Variants in CIAO2A observed in about 807,000 individuals in gnomAD.
CIAO2A encodes the protein cytosolic iron-sulfur assembly component 2A.
A neutral mutation model predicts 22.4 loss-of-function variants in CIAO2A; 17 were observed. The ratio of observed to expected loss-of-function variants is 0.76; its 90% CI spans 0.52 to 1.14. The LOEUF is 1.14. Ranked by LOEUF, CIAO2A falls within the 50% of genes most tolerant of loss-of-function variation. The pLI, the probability that CIAO2A is intolerant of heterozygous loss-of-function variation, is 0.00. For missense variants in CIAO2A, 192 were observed against 191.4 expected, an observed-to-expected ratio of 1.00 and a Z score of -0.02; for synonymous variants, 74 against 72.3, an observed-to-expected ratio of 1.02 and a Z score of -0.12.
rs77683086 is a variant in CIAO2A, at chr15:64,090,021, G to C, written c.125-1170C>G. Among the ~76,000 whole-genome samples, 1,005 of 152,288 alleles carry C rather than the reference G, an allele frequency of 6.6e-3. 10 individuals carry two copies. The highest frequency in any genetic ancestry group is 0.017 in the African/African-American group (693 of 41,554). On this transcript the variant is annotated intron_variant, in intron 1 of 4. Coordinates refer to ENST00000300030, the MANE Select transcript of CIAO2A (RefSeq NM_032231.7). ...ACAAAGAATAAGTAGAACCTTGGCT[G>C]AACATTGGAATTACCAAGAATGTTT...
chr15:64,080,596 C>T (rs558776950), intron 3 of CIAO2A, among the ~76,000 whole-genome samples: 51 of 152,218 alleles, frequency 3.4e-4, no homozygotes, highest in African/African-American at 1.0e-3. Flanking sequence ...GCAGGAGAAT[C>T]GCTTGAACCT....
At position 64,075,493 on chromosome 15, in the gene CIAO2A, GTCT is replaced by G. The variant is rs1288018920; in HGVS notation, c.381_383del (p.Glu127del). ...AATTATGTTTCAACATTCACTTACT[GTCT>G]TCTTCTGTTGAGTGGGTTCCTTCAG... is the stretch of plus-strand genomic sequence containing the variant. On this transcript the variant is annotated inframe_deletion and splice_region_variant, in exon 4 of 5. Transcript: ENST00000300030. 6.4e-7 allele frequency: 1 copy of G among 1,571,536 alleles called. No individual in the cohort carries two copies. The highest frequency in any genetic ancestry group is 1.8e-5 in the Admixed American group (1 of 55,118).
At chr15:64,087,141 G>C (rs2080804035) in intron 2 of CIAO2A, among the ~76,000 whole-genome samples, 1 of 145,138 alleles carries the variant, frequency 6.9e-6, no homozygotes, top group African/African-American at 2.6e-5. Context: ...GCCCAGGCTG[G>C]AGTGCAGTGG....
chr15:64,093,835 G>A lies in CIAO2A; in HGVS notation c.-67C>T. On this transcript the variant is annotated 5_prime_UTR_variant, in exon 1 of 5. Transcript: ENST00000300030. ...ACCGTCTCTCAGCAGCCTCGGGATT[G>A]ATCAACTTCCTGGTCTTCAAATGGG... 1 of 1,576,194 alleles carries A rather than the reference G, an allele frequency of 6.3e-7. No individual in the cohort carries two copies. The highest frequency in any genetic ancestry group is 1.1e-5 in the South Asian group (1 of 88,468).
At chr15:64,075,048 G>A (rs1487274458) in intron 4 of CIAO2A, 2 of 152,398 alleles carry the variant, frequency 1.3e-5, no homozygotes, top group African/African-American at 4.8e-5. Context: ...CTCTCTGTAG[G>A]CCAGAGGTCC....
intron 1 of CIAO2A, among the ~76,000 whole-genome samples, chr15:64,092,574 AC>A (rs1301082210): frequency 6.6e-6 from 1 of 152,236 alleles, no homozygotes; most frequent in East Asian, 1.9e-4. Flanking sequence ...CCAGTGCCCT[AC>A]CATCCCTAGA....
At chr15:64,076,201 C>T (rs928036943) in intron 3 of CIAO2A, among the ~76,000 whole-genome samples, 2 of 152,070 alleles carry the variant, frequency 1.3e-5, no homozygotes, top group Admixed American at 6.6e-5. Flanking sequence ...CTTCCCAACT[C>T]GGTATCTAAA....
Position 64,075,482 on chromosome 15 carries a change from A to G in CIAO2A, c.385+10T>C, listed in dbSNP as rs963761943. The G allele has an allele frequency of 1.9e-6, 3 of 1,549,598 alleles. No homozygotes were observed. Among genetic ancestry groups the G allele is most frequent in the Non-Finnish European group, 2.6e-6 (3 of 1,138,290 alleles). On this transcript the variant is annotated intron_variant, in intron 4 of 4. Coordinates refer to ENST00000300030, the MANE Select transcript of CIAO2A (RefSeq NM_032231.7). Reference sequence around the variant, plus strand: ...AGTTGTTTTTCAATTATGTTTCAACATTCACTTACTGTCTTCTTCTGTTGA... The same window carrying G: ...AGTTGTTTTTCAATTATGTTTCAACGTTCACTTACTGTCTTCTTCTGTTGA...
At position 64,081,160 on chromosome 15, in the gene CIAO2A, G is replaced by A. The variant is rs1245938979; in HGVS notation, c.290-9C>T. 12 of 1,610,634 alleles carry A rather than the reference G, an allele frequency of 7.5e-6. No individual in the cohort carries two copies. The highest frequency in any genetic ancestry group is 8.5e-6 in the Non-Finnish European group (10 of 1,178,466). Reference sequence around the variant, plus strand: ...TACTCTTAAGCACAGCCCTGTGGAGGGAAAATCACACCTCCAATTATCTCT... The same window carrying A: ...TACTCTTAAGCACAGCCCTGTGGAGAGAAAATCACACCTCCAATTATCTCT... On this transcript the variant is annotated splice_polypyrimidine_tract_variant and intron_variant, in intron 2 of 4. Coordinates refer to ENST00000300030, the MANE Select transcript of CIAO2A (RefSeq NM_032231.7).
intron 2 of CIAO2A, among the ~76,000 whole-genome samples, chr15:64,084,006 T>C (rs1329683400): frequency 6.6e-6 from 1 of 152,016 alleles, no homozygotes; most frequent in Non-Finnish European, 1.5e-5. Flanking sequence ...TTAGCTGAAA[T>C]GCATAACGAA....
chr15:64,088,015 T>C (rs1348861154), intron 2 of CIAO2A, among the ~76,000 whole-genome samples: 1 of 152,248 alleles, frequency 6.6e-6, no homozygotes, highest in Non-Finnish European at 1.5e-5. Context: ...TTCATTCTTT[T>C]TTATAGCTGC....
chr15:64,091,989 G>T (rs2080842925), intron 1 of CIAO2A, among the ~76,000 whole-genome samples: 1 of 150,724 alleles, frequency 6.6e-6, no homozygotes, highest in Non-Finnish European at 1.5e-5. Context: ...GAGCCCTGGA[G>T]GTGGATGGAG....
Position 64,072,989 on chromosome 15 carries a change from G to A in CIAO2A, c.425C>T (p.Ala142Val). Residue 142 changes from alanine to valine, a missense_variant, in exon 5 of 5, where the codon GCA (alanine) becomes GTA (valine). By Grantham distance (64) the Ala-to-Val change is moderately conservative. Transcript: ENST00000300030. ...TTCCCGTAAGTTGGGGTTTTCCATT[G>A]CAGCTGCCACTCGCTCTTTGTCATT... ...QINDKERVAA[A>V]MENPNLREIV... 6.2e-7 allele frequency: 1 copy of A among 1,613,874 alleles called. No homozygotes were observed. Among genetic ancestry groups the A allele is most frequent in the Non-Finnish European group, 8.5e-7 (1 of 1,179,838 alleles).
chr15:64,092,947 C>T (rs2080853405), intron 1 of CIAO2A, among the ~76,000 whole-genome samples: 1 of 152,198 alleles, frequency 6.6e-6, no homozygotes, highest in Non-Finnish European at 1.5e-5. Context: ...TGCTTTTTGG[C>T]TCTGTTCCTT....
At chr15:64,079,319 T>TC (rs1050300298) in intron 3 of CIAO2A, among the ~76,000 whole-genome samples, 9 of 151,748 alleles carry the variant, frequency 5.9e-5, no homozygotes, top group African/African-American at 2.2e-4. Flanking sequence ...GGCAAGATGA[T>TC]CACTTGAGCC....
chr15:64,073,531 C>G (rs1484284872), intron 4 of CIAO2A, among the ~76,000 whole-genome samples: 1 of 152,098 alleles, frequency 6.6e-6, no homozygotes, highest in Admixed American at 6.5e-5. Flanking sequence ...CCTAAAATTA[C>G]TCACCAGTTT....
intron 1 of CIAO2A, among the ~76,000 whole-genome samples, chr15:64,090,798 A>G (rs2080834570): frequency 6.6e-6 from 1 of 152,230 alleles, no homozygotes; most frequent in South Asian, 2.1e-4. Flanking sequence ...CAATGACTTT[A>G]TAAGGAAGCT....
At chr15:64,074,728 T>C (rs959234951) in intron 4 of CIAO2A, 3 of 152,172 alleles carry the variant, frequency 2.0e-5, no homozygotes, top group African/African-American at 7.2e-5. Context: ...GGAGATTTTG[T>C]GTGTCTCTCT....
rs780659236 is a variant in CIAO2A, at chr15:64,093,691, A to G, written c.78T>C (p.Ala26=). Residue 26 remains alanine (A), a synonymous_variant, in exon 1 of 5, where the codon GCT becomes GCC. Transcript: ENST00000300030. Reference sequence around the variant, plus strand: ...CTTCCATGATCCGGGGCTGCCGGGCAGCTCCCGGCTCAGAGAGGCCGGAGA... The same window carrying G: ...CTTCCATGATCCGGGGCTGCCGGGCGGCTCCCGGCTCAGAGAGGCCGGAGA... ...LWLSGLSEPG[A]ARQPRIMEEK... 6.2e-7 allele frequency: 1 copy of G among 1,614,068 alleles called. No homozygotes were observed. The highest frequency in any genetic ancestry group is 1.7e-5 in the Admixed American group (1 of 60,010).
Sources: allele counts gnomAD v4.1 joint callset (sites outside exome capture counted in the v4.1 genomes callset), GRCh38; gene constraint gnomAD v4.1.1; transcripts MANE v1.5; gene names NCBI Gene and HGNC (gene_info 2026-07-23, HGNC 2026-07-21).